The following IPO11 variants were observed in gnomAD, a reference collection of about 807,000 sequenced individuals.
IPO11 encodes the protein importin 11, also known as importin-11.
IPO11 carries 66 observed loss-of-function variants against 143.2 expected under a neutral mutation model. The ratio of observed to expected loss-of-function variants is 0.46; its 90% CI spans 0.38 to 0.57. The LOEUF (loss-of-function observed/expected upper bound fraction) is 0.57. Ranked by LOEUF, IPO11 falls within the 20% of genes least tolerant of loss-of-function variation. IPO11 has a pLI of 0.00. For missense variants in IPO11, 1,026 were observed against 1,141.0 expected, an observed-to-expected ratio of 0.90 and a Z score of 1.45; for synonymous variants, 385 against 377.8, an observed-to-expected ratio of 1.02 and a Z score of -0.22.
chr5:62,472,177 A>G (rs1334776735), intron 7 of IPO11, among the ~76,000 whole-genome samples: 2 of 152,218 alleles, frequency 1.3e-5, no homozygotes, highest in South Asian at 2.1e-4. Flanking sequence ...TAAATGCTCA[A>G]TAGTTGTTTG....
chr5:62,503,329 AC>A lies in IPO11; in HGVS notation c.1591-1337del, dbSNP rs1741412562. The stretch of plus-strand genomic sequence containing the variant: ...ATCTATTAATATATTAATAGTATCT[AC>A]TAATATATTAATAGTATCTATTAAT... On this transcript the variant is annotated intron_variant, in intron 16 of 29. Transcript: ENST00000325324. Among the ~76,000 whole-genome samples the A allele has an allele frequency of 4.7e-4, 69 of 145,624 alleles. 2 individuals are homozygous for A. The highest frequency in any genetic ancestry group is 1.7e-3 in the African/African-American group (68 of 40,120).
chr5:62,590,102 A>C (rs1744957230), intron 27 of IPO11, among the ~76,000 whole-genome samples: 1 of 152,212 alleles, frequency 6.6e-6, no homozygotes, highest in Admixed American at 6.5e-5. Flanking sequence ...GGGACACTCC[A>C]CCATCTCAGT....
chr5:62,514,872 CT>C (rs1741953000), intron 19 of IPO11, among the ~76,000 whole-genome samples: 1 of 151,976 alleles, frequency 6.6e-6, no homozygotes. Flanking sequence ...TTTTTTTTCT[CT>C]TGTGTTTCCA....
intron 27 of IPO11, among the ~76,000 whole-genome samples, chr5:62,576,781 T>A (rs1383711909): frequency 6.6e-6 from 1 of 152,230 alleles, no homozygotes; most frequent in East Asian, 1.9e-4. Flanking sequence ...AGACTGTGTC[T>A]CAAAAGAATA....
chr5:62,522,605 T>G (rs1294448832), intron 20 of IPO11, among the ~76,000 whole-genome samples: 1 of 152,186 alleles, frequency 6.6e-6, no homozygotes, highest in Non-Finnish European at 1.5e-5. Flanking sequence ...GTTTTTCTTT[T>G]AGGATGGTCT....
At chr5:62,510,944 G>T (rs1165944719) in intron 19 of IPO11, among the ~76,000 whole-genome samples, 1 of 152,082 alleles carries the variant, frequency 6.6e-6, no homozygotes, top group Admixed American at 6.6e-5. Context: ...TGTTGGCCAG[G>T]CTGGTTTTGA....
At chr5:62,545,874 A>G (rs1743155387) in intron 24 of IPO11, among the ~76,000 whole-genome samples, 1 of 152,226 alleles carries the variant, frequency 6.6e-6, no homozygotes, top group Admixed American at 6.5e-5. Flanking sequence ...CCATCAGAGA[A>G]ATGCAAATTA....
intron 27 of IPO11, among the ~76,000 whole-genome samples, chr5:62,582,825 A>G (rs1223546307): frequency 6.6e-6 from 1 of 152,182 alleles, no homozygotes; most frequent in African/African-American, 2.4e-5. Context: ...AATATTAGGG[A>G]TTATAGTAAG....
rs770975736 is a variant in IPO11 at position 62,412,807 on chromosome 5, C to T, written c.-129C>T. ...CCAAACATGGCGTGTTCCTAGAAGC[C>T]GCTTTCGGCATCAGTAGGCGGCGGC... On this transcript the variant is annotated 5_prime_UTR_variant, in exon 1 of 30. Transcript: ENST00000325324. The T allele has an allele frequency of 1.3e-5, 2 of 152,704 alleles. No homozygotes were observed. The highest frequency in any genetic ancestry group is 2.9e-5 in the Non-Finnish European group (2 of 68,076). The allele number at this position is 152,704 out of a possible 1,614,324, so 9.5% of individuals were successfully genotyped here.
chr5:62,481,609 C>G (rs981948543), intron 9 of IPO11, among the ~76,000 whole-genome samples: 1 of 152,156 alleles, frequency 6.6e-6, no homozygotes, highest in East Asian at 1.9e-4. Flanking sequence ...AGGAATGAAG[C>G]CCACTTGATC....
At chr5:62,504,582 G>T in intron 16 of IPO11, 85 bp from the exon 17 acceptor site, 1 of 754,952 alleles carries the variant, frequency 1.3e-6, no homozygotes, top group South Asian at 1.8e-5. Context: ...TACAGAAAGT[G>T]ATTTGGAATA....
chr5:62,564,565 G>A (rs1743872964), intron 27 of IPO11, among the ~76,000 whole-genome samples: 1 of 151,964 alleles, frequency 6.6e-6, no homozygotes, highest in African/African-American at 2.4e-5. Context: ...TATTATGATG[G>A]CATTTGGGTC....
intron 1 of IPO11, among the ~76,000 whole-genome samples, chr5:62,419,813 G>A (rs372970289): frequency 1.1e-4 from 16 of 152,118 alleles, no homozygotes; most frequent in African/African-American, 3.9e-4. Context: ...GGGCAACATA[G>A]CCAGACCCCA....
chr5:62,440,763 G>A (rs893596072), intron 2 of IPO11, among the ~76,000 whole-genome samples: 1 of 151,940 alleles, frequency 6.6e-6, no homozygotes, highest in African/African-American at 2.4e-5. Flanking sequence ...AGGCGTTCAA[G>A]ACCCACCTGG....
At chr5:62,582,028 G>GA (rs1236123723) in intron 27 of IPO11, among the ~76,000 whole-genome samples, 1 of 152,178 alleles carries the variant, frequency 6.6e-6, no homozygotes, top group Non-Finnish European at 1.5e-5. Context: ...CTGGTGTCGT[G>GA]AATGATGGTG....
At position 62,467,088 on chromosome 5, in the gene IPO11, T is replaced by C. The variant is rs1309652035; in HGVS notation, c.517-43T>C. On this transcript the variant is annotated intron_variant, in intron 5 of 29. Transcript: ENST00000325324. ...TTGTAGTTCTAATGTATTACTGAAA[T>C]GTATAATACACTATGAATAAATTTG... is the stretch of plus-strand genomic sequence containing the variant. 3 of 1,529,844 alleles carry C rather than the reference T, an allele frequency of 2.0e-6. No individual in the cohort carries two copies. The African/African-American group carries it at 4.2e-5, about 21-fold the overall frequency. The allele number at this position is 1,529,844 out of a possible 1,614,324, so 94.8% of individuals were successfully genotyped here.
chr5:62,542,011 G>C (rs1265822698), intron 24 of IPO11, among the ~76,000 whole-genome samples: 2 of 152,016 alleles, frequency 1.3e-5, no homozygotes, highest in African/African-American at 4.8e-5. Context: ...TGAGGAGTTT[G>C]ATTCCAGCCT....
At chr5:62,514,167 G>A (rs904386482) in intron 19 of IPO11, among the ~76,000 whole-genome samples, 2 of 151,856 alleles carry the variant, frequency 1.3e-5, no homozygotes, top group African/African-American at 2.4e-5. Flanking sequence ...AGGCAGAGAC[G>A]CTCCTCACTT....
At chr5:62,612,669 G>A (rs1745968094) in intron 29 of IPO11, among the ~76,000 whole-genome samples, 1 of 152,152 alleles carries the variant, frequency 6.6e-6, no homozygotes, top group African/African-American at 2.4e-5. Flanking sequence ...AAAGTGAGTT[G>A]ATAAGTATTT....
Sources: gnomAD v4.1 joint callset for allele counts (sites outside exome capture counted in the v4.1 genomes callset) on GRCh38, gnomAD v4.1.1 for gene constraint, MANE v1.5 for transcripts, NCBI Gene and HGNC (gene_info 2026-07-23, HGNC 2026-07-21) for gene names.